Variants in WDR1 observed in about 807,000 individuals in gnomAD.
WDR1 encodes WD repeat-containing protein 1.
In WDR1, 21 loss-of-function variants were observed where a neutral mutation model predicts 71.9. That is an observed-to-expected ratio of 0.29 (90% CI 0.21 to 0.42). WDR1 has a LOEUF of 0.42. WDR1 is among the 10% of genes least tolerant of loss of function. The pLI, the probability that WDR1 is intolerant of heterozygous loss-of-function variation, is 1.00. For missense variants in WDR1, 696 were observed against 824.5 expected (o/e 0.84, Z 1.91); for synonymous variants, 424 against 347.4 (o/e 1.22, Z -2.45).
chr4:10,084,541 G>C lies in WDR1; in HGVS notation c.952-11C>G. The C allele has an allele frequency of 6.2e-7, 1 of 1,613,374 alleles. No homozygotes were observed. Among genetic ancestry groups the C allele is most frequent in the South Asian group, 1.1e-5 (1 of 90,994 alleles). On this transcript the variant is annotated splice_polypyrimidine_tract_variant and intron_variant, in intron 8 of 14. Coordinates refer to ENST00000499869, the MANE Select transcript of WDR1 (RefSeq NM_017491.5). ...CGATTTACTGTGACCCTGTGAAGGAGACACACTGGGCGGGTAAGCTGATGA... is the reference window on the plus strand; with the variant it reads ...CGATTTACTGTGACCCTGTGAAGGACACACACTGGGCGGGTAAGCTGATGA...
chr4:10,093,955 C>T (rs768310209), intron 5 of WDR1, among the ~76,000 whole-genome samples: 1 of 152,246 alleles, frequency 6.6e-6, no homozygotes, highest in Non-Finnish European at 1.5e-5. Flanking sequence ...GGCAGCACTT[C>T]CGGTAACAGC....
chr4:10,093,559 C>T (rs1418785188), intron 5 of WDR1, among the ~76,000 whole-genome samples: 1 of 152,258 alleles, frequency 6.6e-6, no homozygotes, highest in African/African-American at 2.4e-5. Flanking sequence ...TCACCCGGGA[C>T]GGGTCAGCTC....
intron 1 of WDR1, 193 bp from the exon 2 acceptor site, chr4:10,116,427 G>C: frequency 2.2e-6 from 2 of 909,606 alleles, no homozygotes; most frequent in Non-Finnish European, 3.1e-6. Flanking sequence ...CTTGGGGGCA[G>C]CGGGGCTCCT....
chr4:10,084,416 G>T, intron 9 of WDR1, 27 bp downstream of exon 9: 1 of 1,607,580 alleles, frequency 6.2e-7, no homozygotes, highest in Non-Finnish European at 8.5e-7. Flanking sequence ...AGCGGCTCCG[G>T]AGCCAGCTCT....
chr4:10,081,518 T>C (rs1385727941), intron 10 of WDR1, 74 bp from the exon 11 acceptor site: 2 of 1,420,636 alleles, frequency 1.4e-6, no homozygotes, highest in East Asian at 2.3e-5. Flanking sequence ...ATATTTACTG[T>C]TAAACCACAG....
intron 2 of WDR1, among the ~76,000 whole-genome samples, chr4:10,113,041 G>A (rs1209408120): frequency 6.6e-6 from 1 of 152,216 alleles, no homozygotes; most frequent in Non-Finnish European, 1.5e-5. Flanking sequence ...CCTCTACTAA[G>A]GTGACTACAT....
At chr4:10,086,200 C>T (rs1411113609) in intron 8 of WDR1, among the ~76,000 whole-genome samples, 1 of 152,234 alleles carries the variant, frequency 6.6e-6, no homozygotes, top group Non-Finnish European at 1.5e-5. Flanking sequence ...GGAGCATGGT[C>T]TCGACAAGAG....
chr4:10,092,973 G>T, intron 5 of WDR1: 1 of 1,032,372 alleles, frequency 9.7e-7, no homozygotes, highest in Non-Finnish European at 1.3e-6. Flanking sequence ...ACATAGCCAA[G>T]ACTGACCTGT....
rs1247659952 is a variant in WDR1, at chr4:10,087,867, C to G, written c.791G>C (p.Ser264Thr). Residue 264 changes from serine (S) to threonine (T), a missense_variant, in exon 8 of 15, where the codon AGC becomes ACC. By Grantham distance (58) the Ser-to-Thr change is moderately conservative. Coordinates refer to ENST00000499869, the MANE Select transcript of WDR1 (RefSeq NM_017491.5). ...GDKTSKIWDV[S>T]VNSVVSTFPM... is the part of the protein sequence containing the mutation. Reference sequence around the variant, plus strand: ...AAATGTGCTGACCACGGAGTTCACGCTGACGTCCCAAATCTTGGAAGTTTT... The same window carrying G: ...AAATGTGCTGACCACGGAGTTCACGGTGACGTCCCAAATCTTGGAAGTTTT... The G allele has an allele frequency of 6.4e-7, 1 of 1,569,260 alleles. No individual in the cohort carries two copies. Among genetic ancestry groups the G allele is most frequent in the Admixed American group, 1.9e-5 (1 of 53,230 alleles).
At chr4:10,106,088 C>A (rs1490799963) in intron 2 of WDR1, among the ~76,000 whole-genome samples, 1 of 136,408 alleles carries the variant, frequency 7.3e-6, no homozygotes, top group Non-Finnish European at 1.6e-5. Flanking sequence ...AGATAAGCAG[C>A]TGCTGGGGGT....
intron 14 of WDR1, 136 bp downstream of exon 14, chr4:10,077,168 A>C (rs1282523153): frequency 8.0e-7 from 1 of 1,243,126 alleles, no homozygotes; most frequent in Non-Finnish European, 1.1e-6. Context: ...GAGACCCACA[A>C]CTCTTCCGGG....
At chr4:10,075,655 C>T (rs1578411220) in intron 14 of WDR1, 171 bp from the exon 15 acceptor site, 2 of 645,880 alleles carry the variant, frequency 3.1e-6, no homozygotes, top group East Asian at 5.5e-5. Flanking sequence ...GCTGAATTCT[C>T]CACGTGACAC....
At chr4:10,091,339 G>A in intron 5 of WDR1, among the ~76,000 whole-genome samples, 1 of 152,216 alleles carries the variant, frequency 6.6e-6, no homozygotes, top group East Asian at 1.9e-4. Flanking sequence ...TGAAGTTGGG[G>A]AAAGCAGTTT....
chr4:10,090,823 C>T (rs1435086641), intron 5 of WDR1, among the ~76,000 whole-genome samples: 1 of 152,274 alleles, frequency 6.6e-6, no homozygotes, highest in Non-Finnish European at 1.5e-5. Context: ...ACGACAGTCA[C>T]GTTTCCATCC....
chr4:10,083,133 T>C lies in WDR1; in HGVS notation c.1085A>G (p.Lys362Arg), dbSNP rs1389799863. The part of the protein sequence containing the change: ...ETGENDSFAG[K>R]GHTNQVSRMT... ...CCTGGACACCTGGTTCGTGTGGCCT[T>C]TCCCAGCGAAGGAGTCGTTCTCCCC... Residue 362 changes from lysine (K) to arginine (R), a missense_variant, in exon 10 of 15, where the codon AAA (lysine) becomes AGA (arginine). Physicochemically the swap from Lys to Arg is conservative, Grantham distance 26. Transcript: ENST00000499869. 10 of 1,613,844 alleles carry C rather than the reference T, an allele frequency of 6.2e-6. No homozygotes were observed. Among genetic ancestry groups the C allele is most frequent in the Non-Finnish European group, 8.5e-6 (10 of 1,179,880 alleles).
rs555489703 is a variant in WDR1, at chr4:10,109,673, C to T, written c.139-5687G>A. ...CACCCCTCATTGGACTACGTGTGAG[C>T]GGGACACCACCACCTCCGTTTTCAG... is the stretch of plus-strand genomic sequence containing the variant. On this transcript the variant is annotated intron_variant, in intron 2 of 14. Transcript: ENST00000499869. Among the ~76,000 whole-genome samples, 311 of 152,320 alleles carry T rather than the reference C, an allele frequency of 2.0e-3. 1 individual carries two copies. The highest frequency in any genetic ancestry group is 3.7e-3 in the Non-Finnish European group (250 of 68,018).
rs1007278883 is a variant in WDR1 at position 10,074,395 on chromosome 4, GT to G, written c.*982del. The G allele has an allele frequency of 6.6e-6, 1 of 152,530 alleles. No homozygotes were observed. The highest frequency in any genetic ancestry group is 2.4e-5 in the African/African-American group (1 of 41,430). The allele number at this position is 152,530 out of a possible 1,614,324, so 9.4% of individuals were successfully genotyped here. ...GCTAATCTCTTAAAGCGCTCAAAGTGTTTTCACAAGTGCAAGGGGAGGGATT... is the reference window on the plus strand; with the variant it reads ...GCTAATCTCTTAAAGCGCTCAAAGTGTTTCACAAGTGCAAGGGGAGGGATT... On this transcript the variant is annotated 3_prime_UTR_variant, in exon 15 of 15. Transcript: ENST00000499869.
Position 10,078,695 on chromosome 4 carries a change from G to C in WDR1, c.1395+196C>G, listed in dbSNP as rs189719664. On this transcript the variant is annotated intron_variant, in intron 12 of 14. Coordinates refer to ENST00000499869, the MANE Select transcript of WDR1 (RefSeq NM_017491.5). ...GGTGGGGGAAGTGCCGAGGAGGGGA[G>C]GGGAAGGCTCCAGCCCTGGGTGGCA... 5.2e-5 allele frequency: 28 copies of C among 536,294 alleles called. No individual in the cohort carries two copies. The African/African-American group carries it at 5.3e-4, about 10-fold the overall frequency. 33.2% of individuals were successfully genotyped at this position (536,294 alleles called of 1,614,324 possible). A position where few individuals can be genotyped will look rare whatever the true frequency, so the allele number is the denominator to read the frequency against.
intron 10 of WDR1, 83 bp from the exon 11 acceptor site, chr4:10,081,527 A>G: frequency 7.5e-7 from 1 of 1,341,428 alleles, no homozygotes; most frequent in South Asian, 1.2e-5. Context: ...GTTAAACCAC[A>G]GTTTTGCTCC....
Sources: gnomAD v4.1 joint callset for allele counts (sites outside exome capture counted in the v4.1 genomes callset) on GRCh38, gnomAD v4.1.1 for gene constraint, MANE v1.5 for transcripts, NCBI Gene and HGNC (gene_info 2026-07-23, HGNC 2026-07-21) for gene names.